REEP3: variants seen among roughly 807,000 people sequenced by gnomAD.
REEP3 encodes receptor expression-enhancing protein 3.
A neutral mutation model predicts 41.3 loss-of-function variants in REEP3; 20 were observed. The observed-to-expected ratio is 0.48, with a 90% CI of 0.34 to 0.70. The LOEUF (loss-of-function observed/expected upper bound fraction) is 0.70. Ranked by LOEUF, REEP3 falls within the 30% of genes least tolerant of loss-of-function variation. The probability of loss-of-function intolerance (pLI) is 0.01; values close to 1 mark genes in which losing one functional copy is unlikely to be tolerated. For missense variants in REEP3, 271 were observed against 308.8 expected, an observed-to-expected ratio of 0.88 and a Z score of 0.92; for synonymous variants, 104 against 101.8, an observed-to-expected ratio of 1.02 and a Z score of -0.13.
chr10:63,596,040 C>T (rs546028859), intron 3 of REEP3, among the ~76,000 whole-genome samples: 1 of 152,296 alleles, frequency 6.6e-6, no homozygotes, highest in East Asian at 1.9e-4. Flanking sequence ...TTACTATTCT[C>T]TCCTTAAGCT....
chr10:63,562,047 A>T (rs549285889), intron 1 of REEP3, among the ~76,000 whole-genome samples: 130 of 152,146 alleles, frequency 8.5e-4, no homozygotes, highest in Non-Finnish European at 1.6e-3. Flanking sequence ...CAGATCTGGG[A>T]ATTGTGTTCT....
intron 6 of REEP3, among the ~76,000 whole-genome samples, chr10:63,612,541 A>G (rs1168170598): frequency 1.3e-5 from 2 of 152,148 alleles, no homozygotes; most frequent in African/African-American, 4.8e-5. Flanking sequence ...CTGTAATCCC[A>G]GAACTTTGGG....
At chr10:63,557,948 A>G (rs985079158) in intron 1 of REEP3, among the ~76,000 whole-genome samples, 11 of 152,196 alleles carry the variant, frequency 7.2e-5, no homozygotes, top group Non-Finnish European at 1.2e-4. Context: ...GAAGGCATCA[A>G]TTTCTCAAAG....
At chr10:63,544,973 G>A (rs957246799) in intron 1 of REEP3, among the ~76,000 whole-genome samples, 1 of 152,048 alleles carries the variant, frequency 6.6e-6, no homozygotes, top group African/African-American at 2.4e-5. Flanking sequence ...AAATACAAAG[G>A]AACAGTGATT....
intron 1 of REEP3, among the ~76,000 whole-genome samples, chr10:63,553,674 G>A (rs1251074621): frequency 1.3e-5 from 2 of 152,128 alleles, no homozygotes; most frequent in East Asian, 3.9e-4. Flanking sequence ...GAATAGGGTA[G>A]AATTTGTGTT....
intron 4 of REEP3, 39 bp from the exon 5 acceptor site, chr10:63,599,131 T>C (rs755937732): frequency 9.6e-7 from 1 of 1,044,408 alleles, no homozygotes; most frequent in East Asian, 2.5e-5. Context: ...ATTAACACTA[T>C]TTTTAAGTAA....
At chr10:63,555,959 A>T (rs1028219724) in intron 1 of REEP3, among the ~76,000 whole-genome samples, 1 of 152,180 alleles carries the variant, frequency 6.6e-6, no homozygotes, top group Admixed American at 6.5e-5. Context: ...TTCTACAATC[A>T]GTGAAAATAA....
intron 1 of REEP3, among the ~76,000 whole-genome samples, chr10:63,533,643 A>C (rs1029319950): frequency 2.0e-5 from 3 of 151,872 alleles, no homozygotes; most frequent in Non-Finnish European, 4.4e-5. Flanking sequence ...ATCGTGAGTG[A>C]ATGAAAGTAC....
chr10:63,528,795 G>C (rs1203412010), intron 1 of REEP3, among the ~76,000 whole-genome samples: 1 of 152,150 alleles, frequency 6.6e-6, no homozygotes, highest in East Asian at 1.9e-4. Flanking sequence ...GATGGCCCCT[G>C]CCTCAGTGCA....
At position 63,624,936 on chromosome 10, in the gene REEP3, C is replaced by T. The variant is rs1458184884; in HGVS notation, c.*4067C>T. The T allele has an allele frequency of 6.6e-6, 1 of 152,070 alleles. No homozygotes were observed. Among genetic ancestry groups the T allele is most frequent in the Non-Finnish European group, 1.5e-5 (1 of 67,966 alleles). 9.4% of individuals were successfully genotyped at this position (152,070 alleles called of 1,614,324 possible). ...TTTAAAGTTAGACGTCTGTCTGCCT[C>T]ACATTTAAGCTTTAGAGAGAAATCC... On this transcript the variant is annotated 3_prime_UTR_variant, in exon 8 of 8. Coordinates refer to ENST00000373758, the MANE Select transcript of REEP3 (RefSeq NM_001001330.3).
intron 2 of REEP3, among the ~76,000 whole-genome samples, chr10:63,578,737 A>G (rs1307389825): frequency 5.3e-5 from 8 of 152,182 alleles, no homozygotes; most frequent in Admixed American, 2.0e-4. Context: ...AGATCATGCC[A>G]CTGCACTCCA....
At chr10:63,613,299 T>C (rs12266294) in intron 6 of REEP3, among the ~76,000 whole-genome samples, 12,234 of 152,296 alleles carry the variant, frequency 0.08, 1,607 homozygotes, top group African/African-American at 0.28. Flanking sequence ...CGTGAGCCAC[T>C]GTGCCTGGCC....
chr10:63,562,981 G>T, intron 1 of REEP3: 2 of 456,538 alleles, frequency 4.4e-6, no homozygotes, highest in Non-Finnish European at 8.8e-6. Context: ...CCTTAATCCA[G>T]TATGATTGGC....
Position 63,594,818 on chromosome 10 carries a change from C to T in REEP3, c.146C>T (p.Thr49Ile). 1.2e-6 allele frequency: 2 copies of T among 1,612,578 alleles called. No homozygotes were observed. The highest frequency in any genetic ancestry group is 1.7e-6 in the Non-Finnish European group (2 of 1,178,714). ...TACTGGATTGTTTTTGCTCTCTATA[C>T]TGTGATTGAAACAGTAGCCGATCAA... ...MMYWIVFALY[T>I]VIETVADQTV... is the part of the protein sequence containing the mutation. The change falls in exon 3 of 8, where the codon ACT becomes ATT. Residue 49 changes from threonine (T) to isoleucine (I), a missense_variant. Physicochemically the swap from Thr to Ile is moderately conservative, Grantham distance 89. Transcript: ENST00000373758.
At chr10:63,545,319 T>C (rs540561111) in intron 1 of REEP3, among the ~76,000 whole-genome samples, 20 of 152,352 alleles carry the variant, frequency 1.3e-4, no homozygotes, top group African/African-American at 4.6e-4. Context: ...TATTTGAAAC[T>C]GTGTATTACT....
chr10:63,530,254 G>A (rs1043191239), intron 1 of REEP3, among the ~76,000 whole-genome samples: 7 of 152,076 alleles, frequency 4.6e-5, no homozygotes, highest in Non-Finnish European at 7.4e-5. Flanking sequence ...TCCTTTATAT[G>A]TGCTTTAAAT....
intron 1 of REEP3, among the ~76,000 whole-genome samples, chr10:63,524,584 T>C (rs1490169562): frequency 6.6e-6 from 1 of 152,036 alleles, no homozygotes; most frequent in Non-Finnish European, 1.5e-5. Flanking sequence ...GCTGGGACTA[T>C]AGGTGCACGC....
At chr10:63,546,682 A>T (rs1312248070) in intron 1 of REEP3, among the ~76,000 whole-genome samples, 1 of 152,200 alleles carries the variant, frequency 6.6e-6, no homozygotes, top group Non-Finnish European at 1.5e-5. Flanking sequence ...TCAATAAAAA[A>T]CACAGAGTCT....
chr10:63,624,105 A>C lies in REEP3; in HGVS notation c.*3236A>C, dbSNP rs1404430901. The C allele has an allele frequency of 6.6e-6, 1 of 152,092 alleles. No individual in the cohort carries two copies. The highest frequency in any genetic ancestry group is 2.4e-5 in the African/African-American group (1 of 41,442). The allele number at this position is 152,092 out of a possible 1,614,324, so 9.4% of individuals were successfully genotyped here. On this transcript the variant is annotated 3_prime_UTR_variant, in exon 8 of 8. Transcript: ENST00000373758. Reference sequence around the variant, plus strand: ...GTCTAATTTGTATTAATTGGGATGGACTAAATTTTCATTTGATTATCAGGA... The same window carrying C: ...GTCTAATTTGTATTAATTGGGATGGCCTAAATTTTCATTTGATTATCAGGA...
Sources: allele counts gnomAD v4.1 joint callset (sites outside exome capture counted in the v4.1 genomes callset), GRCh38; gene constraint gnomAD v4.1.1; transcripts MANE v1.5; gene names NCBI Gene and HGNC (gene_info 2026-07-23, HGNC 2026-07-21).